Variants in DNAAF9 observed in about 807,000 individuals in gnomAD.
DNAAF9 encodes dynein axonemal assembly factor 9.
Under a neutral mutation model 167.0 loss-of-function variants are expected in DNAAF9, and 90 were observed. The observed-to-expected ratio is 0.54, with a 90% CI of 0.45 to 0.64. The LOEUF (loss-of-function observed/expected upper bound fraction) is 0.64. Ranked by LOEUF, DNAAF9 falls within the 30% of genes least tolerant of loss-of-function variation. The pLI is 0.00. For synonymous variants in DNAAF9, 491 were observed against 508.8 expected, an observed-to-expected ratio of 0.96 and a Z score of 0.47; for missense variants, 1,315 against 1,442.2, an observed-to-expected ratio of 0.91 and a Z score of 1.43.
At chr20:3,336,280 A>T in intron 10 of DNAAF9, among the ~76,000 whole-genome samples, 1 of 78,956 alleles carries the variant, frequency 1.3e-5, no homozygotes, top group Admixed American at 1.3e-4. Context: ...TTTTTTGCCA[A>T]ATTTGGGGGA....
chr20:3,299,547 A>G (rs1378690204), intron 21 of DNAAF9, among the ~76,000 whole-genome samples: 1 of 152,056 alleles, frequency 6.6e-6, no homozygotes, highest in Non-Finnish European at 1.5e-5. Context: ...GCCAGCCTCA[A>G]GTGATCTGCC....
At chr20:3,295,363 A>G (rs1600725480) in intron 23 of DNAAF9, 1 of 184,286 alleles carries the variant, frequency 5.4e-6, no homozygotes, top group East Asian at 1.4e-4. Flanking sequence ...TATTTTTAGA[A>G]GAGATGAGGT....
At chr20:3,310,389 G>GAAAGA (rs973030792) in intron 20 of DNAAF9, among the ~76,000 whole-genome samples, 2 of 149,744 alleles carry the variant, frequency 1.3e-5, no homozygotes, top group African/African-American at 2.5e-5. Context: ...AAGAAAGAAA[G>GAAAGA]AATTCCTAAA....
intron 9 of DNAAF9, 28 bp downstream of exon 9, chr20:3,343,648 G>A (rs575405813): frequency 1.2e-5 from 19 of 1,583,278 alleles, no homozygotes; most frequent in Middle Eastern, 1.7e-4. Flanking sequence ...ATCACCATTC[G>A]CCCTTCTTCC....
intron 6 of DNAAF9, among the ~76,000 whole-genome samples, chr20:3,365,373 T>TTTTATTTATTTATTTATTTA (rs145072503): frequency 1.0e-3 from 149 of 149,708 alleles, no homozygotes; most frequent in African/African-American, 3.6e-3. Flanking sequence ...TTTGATAACA[T>TTTTATTTATTTATTTATTTA]TTTATTTATT....
intron 9 of DNAAF9, 22 bp from the exon 10 acceptor site, chr20:3,340,661 A>T (rs1447803910): frequency 1.9e-6 from 3 of 1,612,912 alleles, no homozygotes; most frequent in Non-Finnish European, 2.5e-6. Flanking sequence ...AGTCAAAAAC[A>T]TGTGATTAGA....
chr20:3,281,646 C>T lies in DNAAF9; in HGVS notation c.2607G>A (p.Glu869=), dbSNP rs367932462. The T allele has an allele frequency of 1.2e-5, 19 of 1,608,546 alleles. No individual in the cohort carries two copies. Among genetic ancestry groups the T allele is most frequent in the Admixed American group, 8.5e-5 (5 of 58,566 alleles). Residue 869 remains glutamate (E), a synonymous_variant, in exon 28 of 37, where the codon GAG becomes GAA. Transcript: ENST00000252032. ...ACACCATATCCTGTATCTACCTGTG[C>T]TCCATGTAGCAGCTCATGGGCTCCA... The part of the protein sequence containing the change: ...ACVEPMSCYM[E]HRFLFPKCLD...
chr20:3,304,917 C>T (rs990429153), intron 20 of DNAAF9, among the ~76,000 whole-genome samples: 1 of 152,238 alleles, frequency 6.6e-6, no homozygotes, highest in Non-Finnish European at 1.5e-5. Context: ...TTGCCAGAAG[C>T]TGGCTCGGCC....
chr20:3,257,073 A>G (rs904470280), intron 33 of DNAAF9, among the ~76,000 whole-genome samples: 2 of 152,304 alleles, frequency 1.3e-5, no homozygotes, highest in South Asian at 4.1e-4. Context: ...GAGAATGGGA[A>G]AAAGTGTTAC....
chr20:3,381,772 C>T (rs182425983), intron 2 of DNAAF9, among the ~76,000 whole-genome samples: 2 of 152,304 alleles, frequency 1.3e-5, no homozygotes, highest in Middle Eastern at 3.4e-3. Flanking sequence ...TCTTGGAATG[C>T]TTTCAGTTAG....
chr20:3,341,912 G>A (rs899409039), intron 9 of DNAAF9, among the ~76,000 whole-genome samples: 2 of 152,082 alleles, frequency 1.3e-5, no homozygotes, highest in African/African-American at 4.8e-5. Flanking sequence ...CGAGTAGCTG[G>A]GACTGCAGGC....
chr20:3,351,460 GACA>G (rs1487810012), intron 7 of DNAAF9, among the ~76,000 whole-genome samples: 3 of 150,140 alleles, frequency 2.0e-5, no homozygotes, highest in South Asian at 2.1e-4. Flanking sequence ...CTCCAGCCTG[GACA>G]ACAAGAGTGA....
At position 3,250,572 on chromosome 20, in the gene DNAAF9, T is replaced by C. The variant is rs2068180634; in HGVS notation, c.*2000A>G. 6.6e-6 allele frequency: 1 copy of C among 152,204 alleles called. No homozygotes were observed. Among genetic ancestry groups the C allele is most frequent in the Admixed American group, 6.5e-5 (1 of 15,274 alleles). The allele number at this position is 152,204 out of a possible 1,614,324, so 9.4% of individuals were successfully genotyped here. On this transcript the variant is annotated 3_prime_UTR_variant, in exon 37 of 37. Coordinates refer to ENST00000252032, the MANE Select transcript of DNAAF9 (RefSeq NM_001009984.3). ...TCTAAGAGGAGAGGAGTTGGGACAG[T>C]GGGGCAAGTTGGTGAGAGAGCATTT...
intron 26 of DNAAF9, among the ~76,000 whole-genome samples, chr20:3,288,282 C>G (rs1043264227): frequency 3.9e-5 from 6 of 152,162 alleles, no homozygotes; most frequent in African/African-American, 1.4e-4. Flanking sequence ...GAAATTCCAT[C>G]TCTACTAAAA....
intron 10 of DNAAF9, among the ~76,000 whole-genome samples, chr20:3,335,980 A>G (rs1365060812): frequency 6.6e-6 from 1 of 151,910 alleles, no homozygotes. Context: ...AAAATTAGCC[A>G]GGCATGGTGG....
chr20:3,354,322 A>G (rs1245115391), intron 7 of DNAAF9, among the ~76,000 whole-genome samples: 1 of 152,246 alleles, frequency 6.6e-6, no homozygotes, highest in African/African-American at 2.4e-5. Context: ...TGGAAAGTTT[A>G]TCATTCAGAT....
chr20:3,304,039 T>C (rs1030611056), intron 21 of DNAAF9, among the ~76,000 whole-genome samples: 7 of 152,196 alleles, frequency 4.6e-5, no homozygotes, highest in Non-Finnish European at 8.8e-5. Context: ...CTGAGCCTCA[T>C]CAATACCACA....
chr20:3,263,330 A>G (rs1046329865), intron 31 of DNAAF9, among the ~76,000 whole-genome samples: 11 of 152,184 alleles, frequency 7.2e-5, no homozygotes, highest in Non-Finnish European at 4.4e-5. Context: ...TGGAGGATGT[A>G]GAGAGGTGCT....
intron 1 of DNAAF9, among the ~76,000 whole-genome samples, chr20:3,396,693 G>A (rs181328732): frequency 7.3e-4 from 111 of 152,280 alleles, no homozygotes; most frequent in Non-Finnish European, 8.1e-4. Context: ...CAAAGGCCCT[G>A]AAGGGAGTGT....
Sources: allele counts gnomAD v4.1 joint callset (sites outside exome capture counted in the v4.1 genomes callset), GRCh38; gene constraint gnomAD v4.1.1; transcripts MANE v1.5; gene names NCBI Gene and HGNC (gene_info 2026-07-23, HGNC 2026-07-21).